Variants in NEU3 observed in about 807,000 individuals in gnomAD.
NEU3 encodes neuraminidase 3.
Under a neutral mutation model 11.4 loss-of-function variants are expected in NEU3, and 10 were observed. The ratio of observed to expected loss-of-function variants is 0.88; its 90% CI spans 0.54 to 1.49. The LOEUF (loss-of-function observed/expected upper bound fraction) is 1.49. Ranked by LOEUF, NEU3 falls within the 40% of genes most tolerant of loss-of-function variation. The pLI is 0.00. For synonymous variants in NEU3, 212 were observed against 228.2 expected, an observed-to-expected ratio of 0.93 and a Z score of 0.64; for missense variants, 529 against 581.8, an observed-to-expected ratio of 0.91 and a Z score of 0.93.
At chr11:74,996,944 G>C (rs894428528) in intron 2 of NEU3, among the ~76,000 whole-genome samples, 5 of 152,166 alleles carry the variant, frequency 3.3e-5, no homozygotes, top group African/African-American at 1.2e-4. Context: ...GTCTCAACAG[G>C]GGGCTGTAAA....
Position 74,989,140 on chromosome 11 carries a change from C to T in NEU3, c.80C>T (p.Pro27Leu), listed in dbSNP as rs1305411483. ...SSSAPTETEEPGSSAEVMEEV... is the reference protein window; with the variant it reads ...SSSAPTETEELGSSAEVMEEV... ...TCTGCCCCGACAGAGACGGAGGAGC[C>T]GGGGTCCAGTGCAGGTGAGCGGGGT... The change falls in exon 1 of 3, where the codon CCG becomes CTG. Residue 27 changes from proline to leucine, a missense_variant. Physicochemically the swap from Pro to Leu is moderately conservative, Grantham distance 98. Transcript: ENST00000294064. 1.3e-6 allele frequency: 2 copies of T among 1,550,946 alleles called. No individual in the cohort carries two copies. The highest frequency in any genetic ancestry group is 1.7e-6 in the Non-Finnish European group (2 of 1,146,834).
intron 2 of NEU3, 144 bp downstream of exon 2, chr11:74,994,864 T>C (rs1948772374): frequency 2.6e-6 from 2 of 759,690 alleles, no homozygotes; most frequent in South Asian, 1.5e-5. Flanking sequence ...AAACAATGGC[T>C]CTCACTGAGT....
At chr11:74,988,674 A>G (rs1361835977), upstream of NEU3, 1 of 267,862 alleles carries the variant, frequency 3.7e-6, no homozygotes, top group Non-Finnish European at 7.2e-6. Flanking sequence ...AGACCAATAT[A>G]AGAGCTCGGG....
At chr11:75,004,018 C>G (rs1202265965) in intron 2 of NEU3, among the ~76,000 whole-genome samples, 1 of 152,176 alleles carries the variant, frequency 6.6e-6, no homozygotes, top group Non-Finnish European at 1.5e-5. Context: ...TATTCTGCTA[C>G]TTCAAGCAAT....
chr11:74,994,405 G>GCC, intron 1 of NEU3, 104 bp from the exon 2 acceptor site: 2 of 759,434 alleles, frequency 2.6e-6, no homozygotes, highest in East Asian at 2.5e-5. Flanking sequence ...ATATATCTGT[G>GCC]CCCCCCCACC....
At chr11:74,985,335 T>C (rs1371140743), upstream of NEU3, among the ~76,000 whole-genome samples, 2 of 152,210 alleles carry the variant, frequency 1.3e-5, no homozygotes, top group Non-Finnish European at 2.9e-5. Flanking sequence ...CATATCTTAC[T>C]TCCTGCACTT....
chr11:74,985,994 G>A (rs572422316), upstream of NEU3, among the ~76,000 whole-genome samples: 106 of 152,210 alleles, frequency 7.0e-4, no homozygotes, highest in Non-Finnish European at 1.1e-3. Context: ...TGAGAGCCAA[G>A]TTTCCAGACA....
At chr11:75,015,891 G>T (rs1013761400), downstream of NEU3, among the ~76,000 whole-genome samples, 1 of 152,122 alleles carries the variant, frequency 6.6e-6, no homozygotes, top group Non-Finnish European at 1.5e-5. Context: ...TTCCAATAAA[G>T]GTAACATCAT....
rs1301040063 is a variant in NEU3 at position 75,006,812 on chromosome 11, T to C, written c.*320T>C. ...GTATTGGTTCTAAGATTTCTCATCTTCTCATCCCTAGGACAAGCATAGTGC... is the reference window on the plus strand; with the variant it reads ...GTATTGGTTCTAAGATTTCTCATCTCCTCATCCCTAGGACAAGCATAGTGC... On this transcript the variant is annotated 3_prime_UTR_variant, in exon 3 of 3. Coordinates refer to ENST00000294064, the MANE Select transcript of NEU3 (RefSeq NM_006656.6). 3.9e-6 allele frequency: 1 copy of C among 257,170 alleles called. No homozygotes were observed. Among genetic ancestry groups the C allele is most frequent in the Non-Finnish European group, 7.4e-6 (1 of 134,628 alleles). 15.9% of individuals were successfully genotyped at this position (257,170 alleles called of 1,614,324 possible). A position where few individuals can be genotyped will look rare whatever the true frequency, so the allele number is the denominator to read the frequency against.
Position 75,005,456 on chromosome 11 carries a change from A to T in NEU3, c.350A>T (p.His117Leu). 1 of 1,613,776 alleles carries T rather than the reference A, an allele frequency of 6.2e-7. No homozygotes were observed. Among genetic ancestry groups the T allele is most frequent in the South Asian group, 1.1e-5 (1 of 91,054 alleles). The change falls in exon 3 of 3, where the codon CAT (histidine) becomes CTT (leucine). Residue 117 changes from histidine to leucine, a missense_variant. Coordinates refer to ENST00000294064, the MANE Select transcript of NEU3 (RefSeq NM_006656.6). Reference protein sequence around the residue: ...KPLMEATLPGHRTMNPCPVWE... With the variant: ...KPLMEATLPGLRTMNPCPVWE... ...CTGATGGAAGCCACACTACCGGGGC[A>T]TCGGACCATGAACCCCTGTCCTGTA...
intron 2 of NEU3, among the ~76,000 whole-genome samples, chr11:75,003,657 A>C (rs941651878): frequency 5.3e-5 from 8 of 152,210 alleles, no homozygotes; most frequent in Non-Finnish European, 2.9e-5. Context: ...TGAGAGGCTG[A>C]GGCAGGCGGA....
chr11:74,981,382 AGACT>A, the NEU3 span, among the ~76,000 whole-genome samples: 3 of 152,202 alleles, frequency 2.0e-5, no homozygotes. Context: ...TGTGAATGTA[AGACT>A]GACCATTCTT....
downstream of NEU3, among the ~76,000 whole-genome samples, chr11:75,019,219 A>T (rs560481246): frequency 3.9e-5 from 6 of 152,352 alleles, no homozygotes; most frequent in South Asian, 1.2e-3. Context: ...TTCTGAGGAG[A>T]AATTCAAGCT....
chr11:74,996,107 T>C (rs117008389), intron 2 of NEU3, among the ~76,000 whole-genome samples: 2 of 152,258 alleles, frequency 1.3e-5, no homozygotes, highest in Non-Finnish European at 2.9e-5. Flanking sequence ...TGAGCTGCGA[T>C]TGTGCCACTG....
At chr11:74,993,360 C>T (rs1001008441) in intron 1 of NEU3, among the ~76,000 whole-genome samples, 2 of 152,146 alleles carry the variant, frequency 1.3e-5, no homozygotes, top group Non-Finnish European at 2.9e-5. Context: ...CCTGCCAGCA[C>T]ACCCGGCTAA....
chr11:75,012,539 C>A (rs1401678139), downstream of NEU3, among the ~76,000 whole-genome samples: 1 of 152,224 alleles, frequency 6.6e-6, no homozygotes, highest in Non-Finnish European at 1.5e-5. Flanking sequence ...ACCTCCAGGC[C>A]TGACGGTAGA....
downstream of NEU3, among the ~76,000 whole-genome samples, chr11:75,013,102 G>A: frequency 1.3e-5 from 2 of 152,342 alleles, no homozygotes; most frequent in Middle Eastern, 6.8e-3. Context: ...AACAGAGAGA[G>A]AACTGGACTA....
At chr11:74,997,008 G>T (rs1948795898) in intron 2 of NEU3, among the ~76,000 whole-genome samples, 1 of 152,180 alleles carries the variant, frequency 6.6e-6, no homozygotes. Context: ...GTAGATTTAG[G>T]ATAATTCTTA....
chr11:74,982,949 G>A, the NEU3 span, among the ~76,000 whole-genome samples: 1 of 152,080 alleles, frequency 6.6e-6, no homozygotes, highest in Non-Finnish European at 1.5e-5. Flanking sequence ...TTTCTTGGCT[G>A]TGATCTCCAA....
Sources: allele counts gnomAD v4.1 joint callset (sites outside exome capture counted in the v4.1 genomes callset), GRCh38; gene constraint gnomAD v4.1.1; transcripts MANE v1.5; gene names NCBI Gene and HGNC (gene_info 2026-07-23, HGNC 2026-07-21).